The following ZNF385D variants were observed in gnomAD, a reference collection of about 807,000 sequenced individuals.
ZNF385D encodes the protein zinc finger protein 659.
ZNF385D carries 15 observed loss-of-function variants against 35.8 expected under a neutral mutation model. The observed-to-expected ratio is 0.42, with a 90% CI of 0.28 to 0.64. The LOEUF is 0.64. ZNF385D is among the 30% of genes least tolerant of loss of function. The pLI is 0.23. For missense variants in ZNF385D, 474 were observed against 494.6 expected, an observed-to-expected ratio of 0.96 and a Z score of 0.39; for synonymous variants, 212 against 186.8, an observed-to-expected ratio of 1.13 and a Z score of -1.10.
At chr3:21,954,344 A>T (rs1411752547) in intron 3 of ZNF385D, among the ~76,000 whole-genome samples, 1 of 152,048 alleles carries the variant, frequency 6.6e-6, no homozygotes, top group Non-Finnish European at 1.5e-5. Flanking sequence ...TTTTGTTTCA[A>T]GTAAACACAT....
intron 4 of ZNF385D, among the ~76,000 whole-genome samples, chr3:21,493,496 A>G (rs1417785791): frequency 6.6e-6 from 1 of 152,154 alleles, no homozygotes; most frequent in African/African-American, 2.4e-5. Context: ...TTTGTATGAA[A>G]AACTATGACC....
At chr3:21,879,291 T>G (rs1246020091) in intron 3 of ZNF385D, among the ~76,000 whole-genome samples, 1 of 152,022 alleles carries the variant, frequency 6.6e-6, no homozygotes, top group African/African-American at 2.4e-5. Context: ...AAACTAGTGT[T>G]GTCTAAGTGA....
chr3:21,748,878 C>T (rs757225866), intron 1 of ZNF385D, among the ~76,000 whole-genome samples: 22 of 152,136 alleles, frequency 1.4e-4, no homozygotes, highest in Non-Finnish European at 2.9e-4. Flanking sequence ...TTTAACATGC[C>T]TGAAGTGTAC....
At chr3:21,581,008 C>G (rs189368376) in intron 2 of ZNF385D, among the ~76,000 whole-genome samples, 1 of 152,010 alleles carries the variant, frequency 6.6e-6, no homozygotes, top group Non-Finnish European at 1.5e-5. Context: ...CACTAATTTA[C>G]GTCCTTCCTC....
chr3:21,756,826 TTAAA>T (rs1280828124), intron 3 of ZNF385D, among the ~76,000 whole-genome samples: 2 of 152,188 alleles, frequency 1.3e-5, no homozygotes, highest in Non-Finnish European at 2.9e-5. Context: ...AGTTTGAAAA[TTAAA>T]TAAATAAGCT....
intron 2 of ZNF385D, among the ~76,000 whole-genome samples, chr3:22,175,987 A>G (rs1164811503): frequency 6.6e-6 from 1 of 150,994 alleles, no homozygotes; most frequent in African/African-American, 2.4e-5. Flanking sequence ...AATATCTTCT[A>G]TATTTCACTA....
intron 2 of ZNF385D, among the ~76,000 whole-genome samples, chr3:21,572,556 T>C (rs1391815876): frequency 6.6e-6 from 1 of 152,168 alleles, no homozygotes; most frequent in African/African-American, 2.4e-5. Flanking sequence ...TACACAGTGG[T>C]CTCTTCTTCA....
intron 3 of ZNF385D, among the ~76,000 whole-genome samples, chr3:21,999,606 T>A (rs137922224): frequency 5.1e-4 from 77 of 152,228 alleles, no homozygotes; most frequent in African/African-American, 1.7e-3. Context: ...TTTTTGAACT[T>A]GGGACTTTAG....
chr3:22,222,711 C>T lies in ZNF385D; in HGVS notation c.107-53676G>A, dbSNP rs1458998394. Among the ~76,000 whole-genome samples, 8 of 152,036 alleles carry T rather than the reference C, an allele frequency of 5.3e-5. 1 individual carries two copies. Among genetic ancestry groups the T allele is most frequent in the Non-Finnish European group, 7.4e-5 (5 of 68,000 alleles). On this transcript the variant is annotated intron_variant, in intron 2 of 5. Coordinates refer to the ZNF385D transcript ENST00000494108. ...ATAGTGTAAAAGCCAAATGAAAGAA[C>T]GGATATAAAAGTGCTTTTGAAAATT...
At chr3:21,993,738 T>C (rs1011781415) in intron 3 of ZNF385D, among the ~76,000 whole-genome samples, 1 of 152,200 alleles carries the variant, frequency 6.6e-6, no homozygotes, top group African/African-American at 2.4e-5. Context: ...AAAACATTCC[T>C]GCAGATCATT....
intron 2 of ZNF385D, among the ~76,000 whole-genome samples, chr3:21,651,287 C>CAA (rs71044931): frequency 8.7e-5 from 7 of 80,114 alleles, no homozygotes; most frequent in South Asian, 1.2e-3. Flanking sequence ...GACTTCATCT[C>CAA]AAAAAAAAAA....
intron 3 of ZNF385D, among the ~76,000 whole-genome samples, chr3:22,097,036 A>G (rs1328100650): frequency 6.6e-6 from 1 of 152,074 alleles, no homozygotes; most frequent in East Asian, 1.9e-4. Context: ...CCACAAGGAG[A>G]GGATCTCTAG....
chr3:21,955,916 T>C (rs759599091), intron 3 of ZNF385D, among the ~76,000 whole-genome samples: 1 of 152,100 alleles, frequency 6.6e-6, no homozygotes, highest in Non-Finnish European at 1.5e-5. Flanking sequence ...CCAGGCATAA[T>C]GGATCAGGTC....
At chr3:22,313,331 A>G (rs2125432132) in intron 2 of ZNF385D, among the ~76,000 whole-genome samples, 1 of 152,088 alleles carries the variant, frequency 6.6e-6, no homozygotes, top group South Asian at 2.1e-4. Context: ...GCACACCAAC[A>G]TGGCACATGT....
intron 3 of ZNF385D, among the ~76,000 whole-genome samples, chr3:21,512,378 T>C (rs1707279523): frequency 6.6e-6 from 1 of 152,142 alleles, no homozygotes; most frequent in South Asian, 2.1e-4. Flanking sequence ...TTACTTCCCA[T>C]TGCTTATTTA....
At chr3:21,787,426 A>C (rs2071736781) in intron 3 of ZNF385D, among the ~76,000 whole-genome samples, 1 of 152,180 alleles carries the variant, frequency 6.6e-6, no homozygotes, top group African/African-American at 2.4e-5. Flanking sequence ...TCTAAAAACT[A>C]AATGGGAATA....
chr3:22,150,877 G>A (rs961574200), intron 3 of ZNF385D, among the ~76,000 whole-genome samples: 1 of 152,066 alleles, frequency 6.6e-6, no homozygotes, highest in African/African-American at 2.4e-5. Flanking sequence ...TTATTTAAGG[G>A]AACATCGAGC....
chr3:21,697,214 G>T (rs560202304), intron 1 of ZNF385D, among the ~76,000 whole-genome samples: 1 of 152,188 alleles, frequency 6.6e-6, no homozygotes, highest in Non-Finnish European at 1.5e-5. Context: ...ATCGAAAAAA[G>T]ATTTGAGTGC....
intron 3 of ZNF385D, among the ~76,000 whole-genome samples, chr3:21,871,283 AATG>A (rs1003644433): frequency 1.3e-5 from 2 of 152,128 alleles, no homozygotes; most frequent in Non-Finnish European, 2.9e-5. Flanking sequence ...ACATTGTCAA[AATG>A]ATGATCTTTA....
Sources: gnomAD v4.1 joint callset for allele counts (sites outside exome capture counted in the v4.1 genomes callset) on GRCh38, gnomAD v4.1.1 for gene constraint, MANE v1.5 for transcripts, NCBI Gene and HGNC (gene_info 2026-07-23, HGNC 2026-07-21) for gene names.